The following NDUFA10 variants were observed in gnomAD, a reference collection of about 807,000 sequenced individuals.
The protein encoded by NDUFA10 is NADH dehydrogenase [ubiquinone] 1 alpha subcomplex subunit 10, mitochondrial.
Under a neutral mutation model 47.8 loss-of-function variants are expected in NDUFA10, and 40 were observed. The ratio of observed to expected loss-of-function variants is 0.84; its 90% CI spans 0.65 to 1.09. The LOEUF (loss-of-function observed/expected upper bound fraction) is 1.09, where lower values mean the gene tolerates loss of function less well. NDUFA10 is among the 50% of genes least tolerant of loss of function. The pLI is 0.00. For synonymous variants in NDUFA10, 183 were observed against 172.2 expected, an observed-to-expected ratio of 1.06 and a Z score of -0.49; for missense variants, 413 against 451.1, an observed-to-expected ratio of 0.92 and a Z score of 0.76.
intron 4 of NDUFA10, among the ~76,000 whole-genome samples, chr2:239,916,375 TACAC>T (rs749742596): frequency 6.7e-6 from 1 of 149,320 alleles, no homozygotes; most frequent in Non-Finnish European, 1.5e-5. Flanking sequence ...GACATGCAGA[TACAC>T]ACACACATTG....
intron 4 of NDUFA10, among the ~76,000 whole-genome samples, chr2:239,903,430 C>T (rs1693590324): frequency 1.3e-5 from 2 of 152,206 alleles, no homozygotes; most frequent in Admixed American, 1.3e-4. Context: ...AATGATCCCA[C>T]AGTCCCTGCC....
At chr2:240,020,371 C>G (rs149120890) in intron 3 of NDUFA10, among the ~76,000 whole-genome samples, 1 of 152,210 alleles carries the variant, frequency 6.6e-6, no homozygotes. Flanking sequence ...CACAGATGTG[C>G]CATTTGCTGC....
At chr2:239,973,458 T>C in intron 9 of NDUFA10, 1 of 467,548 alleles carries the variant, frequency 2.1e-6, no homozygotes, top group Non-Finnish European at 4.4e-6. Flanking sequence ...GAGAACTCAA[T>C]ACTGAAAATG....
At chr2:239,982,502 G>A (rs977736740) in intron 9 of NDUFA10, among the ~76,000 whole-genome samples, 6 of 152,190 alleles carry the variant, frequency 3.9e-5, no homozygotes, top group African/African-American at 1.4e-4. Flanking sequence ...TTGCCTGGTG[G>A]CCTCTGCGAG....
At chr2:239,931,964 T>C (rs1214681367) in intron 4 of NDUFA10, among the ~76,000 whole-genome samples, 2 of 149,676 alleles carry the variant, frequency 1.3e-5, no homozygotes, top group Admixed American at 6.8e-5. Context: ...GCCTCCCAAG[T>C]AGCTGGGACC....
chr2:240,007,446 G>A (rs549212352), intron 6 of NDUFA10, 76 bp from the exon 7 acceptor site: 7 of 1,011,700 alleles, frequency 6.9e-6, no homozygotes, highest in Admixed American at 1.9e-5. Context: ...AATACATACC[G>A]CTAAAGTCTC....
intron 8 of NDUFA10, among the ~76,000 whole-genome samples, chr2:240,002,280 A>C (rs1696750211): frequency 7.1e-6 from 1 of 141,772 alleles, no homozygotes; most frequent in African/African-American, 2.7e-5. Flanking sequence ...CAGTGAGCTG[A>C]GATTGCGCCA....
At chr2:239,996,936 A>C (rs1020828914) in intron 8 of NDUFA10, among the ~76,000 whole-genome samples, 8 of 152,044 alleles carry the variant, frequency 5.3e-5, no homozygotes, top group Non-Finnish European at 8.8e-5. Flanking sequence ...AATCATCTCT[A>C]GAGTATGTAT....
In NDUFA10 at chr2:239,987,736, G is replaced by C. The variant is rs116162357; in HGVS notation, c.999+2338C>G. On this transcript the variant is annotated intron_variant, in intron 9 of 9. Transcript: ENST00000252711. The surrounding 1 kb of genome is among the most constrained non-coding windows in gnomAD (Gnocchi z 4.8). ...GGGAAGGGGTGGGCAGCCGTGGGGC[G>C]AATGCGCAGGCAGAGCTGCCGAGCA... Among the ~76,000 whole-genome samples the C allele has an allele frequency of 6.6e-6, 1 of 152,182 alleles. No homozygotes were observed. The highest frequency in any genetic ancestry group is 1.5e-5 in the Non-Finnish European group (1 of 68,038).
At chr2:240,009,373 C>T (rs551212594) in intron 6 of NDUFA10, among the ~76,000 whole-genome samples, 2 of 152,234 alleles carry the variant, frequency 1.3e-5, no homozygotes, top group African/African-American at 2.4e-5. Flanking sequence ...ATGTTGAACG[C>T]GGGAATGGCC....
Position 239,958,299 on chromosome 2 carries a change from T to C in NDUFA10, c.*2819A>G, listed in dbSNP as rs1043603797. ...GTAGCCGCCTGCTTGCTTCTTTGCA[T>C]TGACATTTGCACTGCTAAGAACAGC... On this transcript the variant is annotated 3_prime_UTR_variant, in exon 10 of 10. Coordinates refer to ENST00000252711, the MANE Select transcript of NDUFA10 (RefSeq NM_004544.4). 3 of 152,236 alleles carry C rather than the reference T, an allele frequency of 2.0e-5. No individual in the cohort carries two copies. The highest frequency in any genetic ancestry group is 7.2e-5 in the African/African-American group (3 of 41,458). The allele number at this position is 152,236 out of a possible 1,614,324, so 9.4% of individuals were successfully genotyped here.
chr2:239,909,618 C>G (rs1247130832), intron 4 of NDUFA10, among the ~76,000 whole-genome samples: 2 of 151,922 alleles, frequency 1.3e-5, no homozygotes, highest in African/African-American at 2.4e-5. Flanking sequence ...ATCTCAAAAA[C>G]AAAAGCAAAA....
chr2:239,984,049 A>G (rs993598307), intron 9 of NDUFA10, among the ~76,000 whole-genome samples: 2 of 152,106 alleles, frequency 1.3e-5, no homozygotes, highest in Admixed American at 1.3e-4. Context: ...CCTGGCCATG[A>G]TGGTGCAACC....
chr2:239,973,574 G>C (rs944556176), intron 9 of NDUFA10: 3 of 470,890 alleles, frequency 6.4e-6, no homozygotes, highest in African/African-American at 4.0e-5. Flanking sequence ...AGGAGGGAAC[G>C]ATCAGCTTCA....
In NDUFA10 at chr2:239,959,749, G is replaced by A; in HGVS notation, c.*1369C>T. 5 of 708,454 alleles carry A rather than the reference G, an allele frequency of 7.1e-6. No individual in the cohort carries two copies. Among genetic ancestry groups the A allele is most frequent in the South Asian group, 6.4e-5 (1 of 15,694 alleles). The allele number at this position is 708,454 out of a possible 1,614,324, so 43.9% of individuals were successfully genotyped here. On this transcript the variant is annotated 3_prime_UTR_variant, in exon 10 of 10. Transcript: ENST00000252711. ...GACGGAAGGAAGGAAGAGAAGGAGG[G>A]AAGGAAAGAGGCAGGGAGGAAGGGA...
Position 239,959,950 on chromosome 2 carries a change from G to C in NDUFA10, c.*1168C>G, listed in dbSNP as rs967067161. On this transcript the variant is annotated 3_prime_UTR_variant, in exon 10 of 10. Transcript: ENST00000252711. ...CCTGGTAGAGCTTCCGCGGGGAGCA[G>C]AGCATCGTCCTCTGCACCAGCACTG... 1.0e-6 allele frequency: 1 copy of C among 985,416 alleles called. No homozygotes were observed. The highest frequency in any genetic ancestry group is 1.2e-6 in the Non-Finnish European group (1 of 829,966). The allele number at this position is 985,416 out of a possible 1,614,324, so 61.0% of individuals were successfully genotyped here.
chr2:239,932,619 G>A (rs551941548), intron 4 of NDUFA10, among the ~76,000 whole-genome samples: 2 of 151,458 alleles, frequency 1.3e-5, no homozygotes, highest in South Asian at 2.1e-4. Flanking sequence ...TCGCTCTGTC[G>A]CCCAGGCTGG....
At chr2:240,022,569 C>G (rs528392977) in intron 1 of NDUFA10, among the ~76,000 whole-genome samples, 125 of 151,840 alleles carry the variant, frequency 8.2e-4, no homozygotes, top group African/African-American at 3.0e-3. Context: ...GCTAAATCCT[C>G]AGGCCCTGGA....
chr2:240,023,705 T>C (rs1450907574), intron 1 of NDUFA10, among the ~76,000 whole-genome samples: 1 of 152,200 alleles, frequency 6.6e-6, no homozygotes, highest in Non-Finnish European at 1.5e-5. Context: ...TATAGTGAAA[T>C]TTAAATAAAA....
Sources: gnomAD v4.1 joint callset for allele counts (sites outside exome capture counted in the v4.1 genomes callset) on GRCh38, gnomAD v4.1.1 for gene constraint, Gnocchi (gnomAD v3.1) non-coding constraint, MANE v1.5 for transcripts, NCBI Gene and HGNC (gene_info 2026-07-23, HGNC 2026-07-21) for gene names.